The following ANK2 variants were observed in gnomAD, a reference collection of about 807,000 sequenced individuals.
ANK2 encodes the protein ankyrin 2.
ANK2 carries 83 observed loss-of-function variants against 360.5 expected under a neutral mutation model. That is an observed-to-expected ratio of 0.23 (90% CI 0.19 to 0.28). The LOEUF (loss-of-function observed/expected upper bound fraction) is 0.28, where lower values mean the gene tolerates loss of function less well. Ranked by LOEUF, ANK2 falls within the 10% of genes least tolerant of loss-of-function variation. The pLI is 1.00. For synonymous variants in ANK2, 1,740 were observed against 1,759.5 expected (o/e 0.99, Z 0.28); for missense variants, 4,201 against 4,795.7 (o/e 0.88, Z 3.66).
At chr4:113,157,619 A>T (rs1489728822) in intron 1 of ANK2, among the ~76,000 whole-genome samples, 2 of 152,236 alleles carry the variant, frequency 1.3e-5, no homozygotes, top group Non-Finnish European at 2.9e-5. Context: ...CCTAACCAAA[A>T]AAGGGAATTG....
chr4:113,293,020 A>G, intron 21 of ANK2: 2 of 361,734 alleles, frequency 5.5e-6, no homozygotes, highest in Non-Finnish European at 5.4e-6. Flanking sequence ...CTGTAGCTAA[A>G]TATGTTACCG....
In ANK2 at chr4:113,087,630, T is replaced by A. The variant is rs148584102; in HGVS notation, c.84+37818T>A. Among the ~76,000 whole-genome samples the A allele has an allele frequency of 1.9e-3, 294 of 152,248 alleles. 2 individuals are homozygous for A. Among genetic ancestry groups the A allele is most frequent in the African/African-American group, 6.7e-3 (277 of 41,574 alleles). On this transcript the variant is annotated intron_variant, in intron 1 of 45. Transcript: ENST00000357077. ...AGAGGTAACCAGAAAGAATTTTCAA[T>A]GACACTTTAATTTTTGGTCTTTGAG... is the stretch of plus-strand genomic sequence containing the variant.
At chr4:113,281,811 C>G (rs1330677870) in intron 17 of ANK2, among the ~76,000 whole-genome samples, 1 of 152,084 alleles carries the variant, frequency 6.6e-6, no homozygotes. Flanking sequence ...TTTCCTGTCC[C>G]TCTCCACAAA....
At position 113,359,275 on chromosome 4, in the gene ANK2, G is replaced by A; in HGVS notation, c.10657G>A (p.Glu3553Lys). The A allele has an allele frequency of 6.2e-7, 1 of 1,613,906 alleles. No individual in the cohort carries two copies. Among genetic ancestry groups the A allele is most frequent in the Non-Finnish European group, 8.5e-7 (1 of 1,179,876 alleles). The change falls in exon 38 of 46, where the codon GAA (glutamate) becomes AAA (lysine). Residue 3553 changes from glutamate (E) to lysine (K), a missense_variant. Physicochemically the swap from Glu to Lys is moderately conservative, Grantham distance 56. Around this residue, in one of 4 missense-constraint regions of ANK2, gnomAD observed 2,642 missense variants for 2,714.5 expected, o/e 0.97. Coordinates refer to ENST00000357077, the MANE Select transcript of ANK2 (RefSeq NM_001148.6). The part of the protein sequence containing the change: ...IETLIERIPD[E>K]NGHDHAEDPQ... ...GACTCTGATTGAACGCATCCCTGATGAAAATGGCCATGACCATGCTGAAGG... is the reference window on the plus strand; with the variant it reads ...GACTCTGATTGAACGCATCCCTGATAAAAATGGCCATGACCATGCTGAAGG...
the ANK2 span, among the ~76,000 whole-genome samples, chr4:112,718,337 G>A: frequency 6.6e-6 from 1 of 152,116 alleles, no homozygotes; most frequent in Non-Finnish European, 1.5e-5. Flanking sequence ...TTGTTTTTCG[G>A]ACAGTCTTGC....
Position 113,383,497 on chromosome 4 carries a change from G to T in ANK2, c.*2026G>T, listed in dbSNP as rs994888238. The T allele has an allele frequency of 6.6e-6, 1 of 152,592 alleles. No individual in the cohort carries two copies. The highest frequency in any genetic ancestry group is 2.4e-5 in the African/African-American group (1 of 41,436). 9.5% of individuals were successfully genotyped at this position (152,592 alleles called of 1,614,324 possible). On this transcript the variant is annotated 3_prime_UTR_variant, in exon 46 of 46. Transcript: ENST00000357077. ...ATGATGTCTGTGTAACAACATAATGGTTATTCACCTTTTTTTGATTTTGAT... is the reference window on the plus strand; with the variant it reads ...ATGATGTCTGTGTAACAACATAATGTTTATTCACCTTTTTTTGATTTTGAT...
chr4:113,297,080 G>A, intron 22 of ANK2, among the ~76,000 whole-genome samples: 1 of 152,126 alleles, frequency 6.6e-6, no homozygotes, highest in East Asian at 1.9e-4. Flanking sequence ...ATGAAAATCA[G>A]GGGAGGAGGG....
At chr4:113,148,623 A>T (rs1218968166) in intron 1 of ANK2, among the ~76,000 whole-genome samples, 3 of 152,192 alleles carry the variant, frequency 2.0e-5, no homozygotes, top group Non-Finnish European at 4.4e-5. Context: ...CTGACTCAAA[A>T]GGTAATAAGT....
intron 1 of ANK2, among the ~76,000 whole-genome samples, chr4:113,163,398 A>C (rs1019447644): frequency 6.6e-6 from 1 of 152,150 alleles, no homozygotes; most frequent in Non-Finnish European, 1.5e-5. Context: ...TAAGTTCTCA[A>C]AAATTATATA....
chr4:112,744,959 T>C, the ANK2 span, among the ~76,000 whole-genome samples: 1 of 152,376 alleles, frequency 6.6e-6, no homozygotes, highest in African/African-American at 2.4e-5. Flanking sequence ...CTGTTGACAG[T>C]CTTTGTCATT....
At chr4:113,165,692 G>A (rs191010806) in intron 1 of ANK2, among the ~76,000 whole-genome samples, 24 of 152,112 alleles carry the variant, frequency 1.6e-4, no homozygotes, top group Admixed American at 1.4e-3. Flanking sequence ...AGACTCTTTG[G>A]GAAGGAATAT....
At chr4:113,248,595 G>C (rs2044319538) in intron 9 of ANK2, among the ~76,000 whole-genome samples, 1 of 151,996 alleles carries the variant, frequency 6.6e-6, no homozygotes, top group African/African-American at 2.4e-5. Context: ...GCATGGGTCT[G>C]GAGGGGCAAA....
At chr4:113,231,640 G>T (rs896922956) in intron 4 of ANK2, among the ~76,000 whole-genome samples, 1 of 148,552 alleles carries the variant, frequency 6.7e-6, no homozygotes, top group Non-Finnish European at 1.5e-5. Flanking sequence ...GTCTCACTCT[G>T]TCACCCAGGC....
chr4:113,285,270 G>A (rs1164084951), intron 18 of ANK2, among the ~76,000 whole-genome samples: 2 of 151,868 alleles, frequency 1.3e-5, no homozygotes, highest in Admixed American at 6.6e-5. Context: ...ATACCAAGCA[G>A]CACACACCAG....
intron 2 of ANK2, among the ~76,000 whole-genome samples, chr4:113,035,900 T>A (rs1183588382): frequency 6.6e-6 from 1 of 151,960 alleles, no homozygotes; most frequent in Non-Finnish European, 1.5e-5. Context: ...ACATAGATTT[T>A]AAAATTTTCT....
At chr4:112,983,954 A>T (rs2154274645) in intron 2 of ANK2, among the ~76,000 whole-genome samples, 1 of 152,298 alleles carries the variant, frequency 6.6e-6, no homozygotes, top group Non-Finnish European at 1.5e-5. Context: ...ATGAAGACAA[A>T]GTCTGATTAA....
intron 1 of ANK2, among the ~76,000 whole-genome samples, chr4:112,861,413 A>G (rs2067976386): frequency 1.3e-5 from 2 of 152,200 alleles, no homozygotes; most frequent in Non-Finnish European, 2.9e-5. Flanking sequence ...TGAGACTCAA[A>G]CTAAAAATGC....
chr4:113,277,525 T>C (rs937516185), intron 15 of ANK2, among the ~76,000 whole-genome samples: 1 of 152,190 alleles, frequency 6.6e-6, no homozygotes, highest in Non-Finnish European at 1.5e-5. Flanking sequence ...AAGGCTTTTT[T>C]TCCCCATTCA....
intron 1 of ANK2, among the ~76,000 whole-genome samples, chr4:113,124,546 A>C (rs1182751257): frequency 6.6e-6 from 1 of 151,246 alleles, no homozygotes; most frequent in Non-Finnish European, 1.5e-5. Context: ...CTGCTCTCTC[A>C]CTGTCTTTCT....
Sources: allele counts gnomAD v4.1 joint callset (sites outside exome capture counted in the v4.1 genomes callset), GRCh38; gene constraint gnomAD v4.1.1; regional missense constraint gnomAD v4.1.1; transcripts MANE v1.5; gene names NCBI Gene and HGNC (gene_info 2026-07-23, HGNC 2026-07-21).